The following PARD3B variants were observed in gnomAD, a reference collection of about 807,000 sequenced individuals.
PARD3B encodes the protein partitioning defective 3 homolog B.
PARD3B carries 103 observed loss-of-function variants against 130.2 expected under a neutral mutation model. The ratio of observed to expected loss-of-function variants is 0.79; its 90% CI spans 0.67 to 0.93. The LOEUF is 0.93. PARD3B is among the 40% of genes least tolerant of loss of function. The pLI is 0.00. For synonymous variants in PARD3B, 583 were observed against 553.2 expected (o/e 1.05, Z -0.76); for missense variants, 1,609 against 1,499.2 (o/e 1.07, Z -1.21).
chr2:205,011,826 C>T lies in PARD3B; in HGVS notation c.395-35755C>T, dbSNP rs573225414. ...TTTTTTTACAACCATGCATCACACT[C>T]AGCCTCTGCAGTTATGCCTGGCATC... On this transcript the variant is annotated intron_variant, in intron 3 of 22. Transcript: ENST00000406610. This position sits in a 1 kb window ranked among gnomAD's most constrained non-coding sequence, Gnocchi z 4.1. Among the ~76,000 whole-genome samples the T allele has an allele frequency of 6.6e-6, 1 of 151,982 alleles. No homozygotes were observed. The highest frequency in any genetic ancestry group is 2.1e-4 in the South Asian group (1 of 4,826).
At chr2:204,891,890 A>G (rs1456988850) in intron 2 of PARD3B, among the ~76,000 whole-genome samples, 1 of 152,132 alleles carries the variant, frequency 6.6e-6, no homozygotes, top group Non-Finnish European at 1.5e-5. Context: ...ATGCCTCTTT[A>G]CTTTGTAATT....
intron 5 of PARD3B, among the ~76,000 whole-genome samples, chr2:205,108,422 T>C (rs1703379874): frequency 6.6e-6 from 1 of 152,184 alleles, no homozygotes; most frequent in African/African-American, 2.4e-5. Flanking sequence ...GCTAATGGTT[T>C]AATCTGTCTC....
rs976014908 is a variant in PARD3B at position 205,158,257 on chromosome 2, A to G, written c.1435-465A>G. ...CATAGTAAATGATATGTTTTAAATT[A>G]TATATGCCCCATATTTTCCTGAAAT... On this transcript the variant is annotated intron_variant, in intron 10 of 22. Coordinates refer to ENST00000406610, the MANE Select transcript of PARD3B (RefSeq NM_001302769.2). The surrounding 1 kb of genome is among the most constrained non-coding windows in gnomAD (Gnocchi z 5.4). Among the ~76,000 whole-genome samples the G allele has an allele frequency of 6.6e-6, 1 of 152,172 alleles. No individual in the cohort carries two copies. The highest frequency in any genetic ancestry group is 2.4e-5 in the African/African-American group (1 of 41,446).
At chr2:204,984,737 C>A (rs1047728423) in intron 3 of PARD3B, among the ~76,000 whole-genome samples, 1 of 152,006 alleles carries the variant, frequency 6.6e-6, no homozygotes, top group Non-Finnish European at 1.5e-5. Context: ...ATGTGTGAGA[C>A]TGGAATCCCC....
At chr2:205,499,773 TA>T in intron 20 of PARD3B, 122 bp from the exon 21 acceptor site, 1 of 1,125,754 alleles carries the variant, frequency 8.9e-7, no homozygotes, top group Non-Finnish European at 1.2e-6. Flanking sequence ...TTTCCTGGCA[TA>T]TTTGAATTAC....
intron 4 of PARD3B, among the ~76,000 whole-genome samples, chr2:205,083,768 A>G (rs1215044737): frequency 6.6e-6 from 1 of 151,950 alleles, no homozygotes; most frequent in African/African-American, 2.4e-5. Context: ...TATATGGTTT[A>G]GAAACTTTTT....
At chr2:204,753,596 A>G (rs2040550806) in intron 2 of PARD3B, among the ~76,000 whole-genome samples, 1 of 152,154 alleles carries the variant, frequency 6.6e-6, no homozygotes, top group Admixed American at 6.6e-5. Flanking sequence ...TGTAATCAGT[A>G]GCTATGTGAT....
intron 2 of PARD3B, among the ~76,000 whole-genome samples, chr2:204,705,909 C>G (rs555721274): frequency 6.6e-6 from 1 of 152,128 alleles, no homozygotes; most frequent in Admixed American, 6.6e-5. Context: ...TGATACTATG[C>G]GGTCCTTTAG....
intron 3 of PARD3B, among the ~76,000 whole-genome samples, chr2:204,966,341 G>A (rs1691247755): frequency 6.6e-6 from 1 of 152,124 alleles, no homozygotes; most frequent in Non-Finnish European, 1.5e-5. Context: ...GGGTTTTCCT[G>A]TATCTTTTGG....
At chr2:205,019,560 A>G (rs1054234149) in intron 3 of PARD3B, among the ~76,000 whole-genome samples, 3 of 152,174 alleles carry the variant, frequency 2.0e-5, no homozygotes, top group African/African-American at 7.2e-5. Flanking sequence ...AGGAACCACC[A>G]GGCTGTTACC....
At chr2:204,704,657 G>A (rs79966053) in intron 2 of PARD3B, among the ~76,000 whole-genome samples, 1,868 of 152,174 alleles carry the variant, frequency 0.012, 27 homozygotes, top group African/African-American at 0.042. Context: ...GAACTTGCTC[G>A]TGGCTTTTAG....
intron 3 of PARD3B, among the ~76,000 whole-genome samples, chr2:205,032,769 C>G (rs148558946): frequency 1.3e-5 from 2 of 152,274 alleles, no homozygotes; most frequent in East Asian, 1.9e-4. Context: ...TTAGAGATAA[C>G]AGTGGCTCCA....
At chr2:205,368,861 A>AAAC (rs1491468596) in intron 18 of PARD3B, among the ~76,000 whole-genome samples, 3 of 16,504 alleles carry the variant, frequency 1.8e-4, no homozygotes, top group Non-Finnish European at 4.1e-4. Context: ...TTGGGAAAAC[A>AAAC]AAAAAAAAAA....
Position 204,967,592 on chromosome 2 carries a change from T to TA in PARD3B, c.394+2276dup, listed in dbSNP as rs1201330162. On this transcript the variant is annotated intron_variant, in intron 3 of 22. Coordinates refer to ENST00000406610, the MANE Select transcript of PARD3B (RefSeq NM_001302769.2). The surrounding 1 kb of genome is among the most constrained non-coding windows in gnomAD (Gnocchi z 4.4). Reference sequence around the variant, plus strand: ...GAAATTTGGGCAAGGATGAATGACGTAAAAAAATCATCCCTTACCCACTTT... The same window carrying TA: ...GAAATTTGGGCAAGGATGAATGACGTAAAAAAAATCATCCCTTACCCACTTT... 1.3e-5 allele frequency among the ~76,000 whole-genome samples: 2 copies of TA among 152,140 alleles called. No homozygotes were observed. The highest frequency in any genetic ancestry group is 1.3e-4 in the Admixed American group (2 of 15,278).
At chr2:205,538,490 C>CAT (rs1385244827) in intron 21 of PARD3B, among the ~76,000 whole-genome samples, 2 of 152,014 alleles carry the variant, frequency 1.3e-5, no homozygotes, top group Non-Finnish European at 2.9e-5. Flanking sequence ...CACACACACA[C>CAT]ACATGCATAT....
chr2:205,247,866 C>T (rs1482807829), intron 16 of PARD3B, among the ~76,000 whole-genome samples: 2 of 152,146 alleles, frequency 1.3e-5, no homozygotes, highest in East Asian at 1.9e-4. Flanking sequence ...GAGGAACATA[C>T]TCAAATAAGG....
At chr2:205,029,595 C>G (rs950323565) in intron 3 of PARD3B, among the ~76,000 whole-genome samples, 1 of 152,180 alleles carries the variant, frequency 6.6e-6, no homozygotes, top group African/African-American at 2.4e-5. Context: ...TTATAATTCT[C>G]CCTCTTGCTC....
At position 205,142,618 on chromosome 2, in the gene PARD3B, G is replaced by A. The variant is rs1261557015; in HGVS notation, c.1435-16104G>A. ...CAGGCAACCAGGCACAGTGGCTCAC[G>A]CCTGTAATCCCAACACTTTGGGAGG... On this transcript the variant is annotated intron_variant, in intron 10 of 22. Coordinates refer to ENST00000406610, the MANE Select transcript of PARD3B (RefSeq NM_001302769.2). The surrounding 1 kb of genome is among the most constrained non-coding windows in gnomAD (Gnocchi z 4.3). Among the ~76,000 whole-genome samples the A allele has an allele frequency of 6.6e-6, 1 of 152,110 alleles. No individual in the cohort carries two copies. The highest frequency in any genetic ancestry group is 2.4e-5 in the African/African-American group (1 of 41,404).
intron 11 of PARD3B, among the ~76,000 whole-genome samples, chr2:205,171,591 G>A (rs1161708475): frequency 6.6e-6 from 1 of 152,144 alleles, no homozygotes; most frequent in Non-Finnish European, 1.5e-5. Context: ...AATTCTTTTT[G>A]TCAAGCTTTT....
Sources: gnomAD v4.1 joint callset for allele counts (sites outside exome capture counted in the v4.1 genomes callset) on GRCh38, gnomAD v4.1.1 for gene constraint, Gnocchi (gnomAD v3.1) non-coding constraint, MANE v1.5 for transcripts, NCBI Gene and HGNC (gene_info 2026-07-23, HGNC 2026-07-21) for gene names.